Variants in CTIF observed in about 807,000 individuals in gnomAD.
CTIF encodes cap binding complex dependent translation initiation factor.
In CTIF, 21 loss-of-function variants were observed where a neutral mutation model predicts 66.0. The ratio of observed to expected loss-of-function variants is 0.32; its 90% CI spans 0.23 to 0.46. CTIF has a LOEUF of 0.46. Among genes scored for constraint, CTIF ranks in the 20% least tolerant of loss-of-function variants. The pLI, the probability that CTIF is intolerant of heterozygous loss-of-function variation, is 1.00. For synonymous variants in CTIF, 345 were observed against 326.4 expected, an observed-to-expected ratio of 1.06 and a Z score of -0.62; for missense variants, 739 against 812.7, an observed-to-expected ratio of 0.91 and a Z score of 1.10.
At chr18:48,747,411 G>A (rs1192018296) in intron 7 of CTIF, among the ~76,000 whole-genome samples, 3 of 152,184 alleles carry the variant, frequency 2.0e-5, no homozygotes, top group Non-Finnish European at 1.5e-5. Context: ...AAGTAGAGAG[G>A]TACGCTGGGC....
At chr18:48,679,665 C>G (rs189416064) in intron 6 of CTIF, among the ~76,000 whole-genome samples, 70 of 152,332 alleles carry the variant, frequency 4.6e-4, no homozygotes, top group Non-Finnish European at 9.1e-4. Context: ...TCTTCCCCCT[C>G]TTTCATGGCC....
intron 6 of CTIF, among the ~76,000 whole-genome samples, chr18:48,696,875 G>A (rs1802244341): frequency 6.6e-6 from 1 of 152,216 alleles, no homozygotes; most frequent in African/African-American, 2.4e-5. Flanking sequence ...CATCTGTGGT[G>A]TGTTGTCACC....
At chr18:48,778,426 AC>A (rs148519009) in intron 9 of CTIF, among the ~76,000 whole-genome samples, 2 of 152,328 alleles carry the variant, frequency 1.3e-5, no homozygotes, top group Non-Finnish European at 2.9e-5. Flanking sequence ...CAGAAAATGC[AC>A]CGGGGAAAGC....
chr18:48,602,542 T>C (rs368252277), intron 1 of CTIF, among the ~76,000 whole-genome samples: 20 of 152,364 alleles, frequency 1.3e-4, no homozygotes, highest in African/African-American at 4.8e-4. Flanking sequence ...TTGATGACTT[T>C]GCTTTCTAAG....
At chr18:48,694,836 A>C (rs927037388) in intron 6 of CTIF, among the ~76,000 whole-genome samples, 10 of 152,250 alleles carry the variant, frequency 6.6e-5, no homozygotes, top group African/African-American at 2.2e-4. Flanking sequence ...AATTTACTAA[A>C]GATATTTGGA....
intron 6 of CTIF, among the ~76,000 whole-genome samples, chr18:48,676,284 C>T (rs552999311): frequency 6.6e-6 from 1 of 152,318 alleles, no homozygotes; most frequent in African/African-American, 2.4e-5. Context: ...CATTGAAAGA[C>T]GTTGTTTGTT....
chr18:48,761,653 G>T lies in CTIF; in HGVS notation c.1335G>T (p.Gly445=). The change falls in exon 9 of 12, where the codon GGG becomes GGT. Residue 445 remains glycine (G), a synonymous_variant. Coordinates refer to ENST00000256413, the MANE Select transcript of CTIF (RefSeq NM_014772.3). This position sits in a 1 kb window ranked among gnomAD's most constrained non-coding sequence, Gnocchi z 4.2. ...CDKMALFMVE[G]TKFRSLLLNM... is the part of the protein sequence containing the mutation. Reference sequence around the variant, plus strand: ...AGATGGCGCTCTTTATGGTGGAGGGGACCAAGTTCCGGAGCCTGCTCCTCA... The same window carrying T: ...AGATGGCGCTCTTTATGGTGGAGGGTACCAAGTTCCGGAGCCTGCTCCTCA... 1 of 1,612,992 alleles carries T rather than the reference G, an allele frequency of 6.2e-7. No individual in the cohort carries two copies. Among genetic ancestry groups the T allele is most frequent in the East Asian group, 2.2e-5 (1 of 44,860 alleles).
At chr18:48,798,394 C>G (rs1030235969) in intron 9 of CTIF, among the ~76,000 whole-genome samples, 3 of 152,200 alleles carry the variant, frequency 2.0e-5, no homozygotes, top group African/African-American at 7.2e-5. Flanking sequence ...GGGTTCATCA[C>G]ACATAAGGGC....
At chr18:48,726,005 C>A (rs1476495630) in intron 7 of CTIF, among the ~76,000 whole-genome samples, 5 of 152,150 alleles carry the variant, frequency 3.3e-5, no homozygotes, top group Non-Finnish European at 2.9e-5. Context: ...TATGTAGCCT[C>A]AAGACATCCC....
chr18:48,671,106 C>T (rs1383113428), intron 6 of CTIF, among the ~76,000 whole-genome samples: 1 of 152,154 alleles, frequency 6.6e-6, no homozygotes, highest in Middle Eastern at 3.2e-3. Context: ...GACTGGCAGG[C>T]CTGGAAGAGA....
At chr18:48,756,931 G>A (rs887724828) in intron 7 of CTIF, among the ~76,000 whole-genome samples, 26 of 152,196 alleles carry the variant, frequency 1.7e-4, no homozygotes, top group African/African-American at 4.6e-4. Context: ...CTAGGTTGCT[G>A]TAACAGAGTA....
chr18:48,737,250 G>A (rs1008177363), intron 7 of CTIF, among the ~76,000 whole-genome samples: 3 of 152,174 alleles, frequency 2.0e-5, no homozygotes, highest in Non-Finnish European at 4.4e-5. Flanking sequence ...TTTGCAGCAA[G>A]AGCTGGGCTC....
chr18:48,862,220 G>C lies in CTIF; in HGVS notation c.*2661G>C, dbSNP rs183501243. The C allele has an allele frequency of 1.3e-5, 2 of 152,284 alleles. No individual in the cohort carries two copies. Among genetic ancestry groups the C allele is most frequent in the Admixed American group, 1.3e-4 (2 of 15,296 alleles). The allele number at this position is 152,284 out of a possible 1,614,324, so 9.4% of individuals were successfully genotyped here. A position where few individuals can be genotyped will look rare whatever the true frequency, so the allele number is the denominator to read the frequency against. ...CTGTGGCATGAGGAAGGCCGCGTCC[G>C]AGTTGACCTCTGAATGTATGTGATG... On this transcript the variant is annotated 3_prime_UTR_variant, in exon 12 of 12. Transcript: ENST00000256413.
chr18:48,686,849 C>G (rs1289462480), intron 6 of CTIF, among the ~76,000 whole-genome samples: 2 of 152,212 alleles, frequency 1.3e-5, no homozygotes, highest in Non-Finnish European at 2.9e-5. Context: ...CTGCACATAA[C>G]TTAGGTTGCA....
chr18:48,700,665 C>T (rs1453074917), intron 6 of CTIF, among the ~76,000 whole-genome samples: 4 of 152,324 alleles, frequency 2.6e-5, no homozygotes, highest in Middle Eastern at 3.4e-3. Context: ...AAGCGTGGGC[C>T]GTGCCTCTCT....
chr18:48,857,162 A>G (rs1416356640), intron 10 of CTIF, among the ~76,000 whole-genome samples: 1 of 152,224 alleles, frequency 6.6e-6, no homozygotes, highest in East Asian at 1.9e-4. Context: ...GCCTGAGTCA[A>G]TGGCTGAACC....
intron 1 of CTIF, among the ~76,000 whole-genome samples, chr18:48,548,705 C>T (rs2088813920): frequency 6.6e-6 from 1 of 152,238 alleles, no homozygotes; most frequent in Non-Finnish European, 1.5e-5. Flanking sequence ...CTCCTCTTCT[C>T]CCTCTAAAAA....
intron 9 of CTIF, among the ~76,000 whole-genome samples, chr18:48,793,718 C>G (rs1016770820): frequency 4.6e-5 from 7 of 152,154 alleles, no homozygotes; most frequent in African/African-American, 1.7e-4. Context: ...AAATTGCTCC[C>G]AAATACTTCT....
chr18:48,790,517 C>T (rs1048618635), intron 9 of CTIF, among the ~76,000 whole-genome samples: 3 of 152,230 alleles, frequency 2.0e-5, no homozygotes, highest in South Asian at 4.1e-4. Flanking sequence ...GGGCCCAGCT[C>T]AGCAGCCCCC....
Sources: gnomAD v4.1 joint callset for allele counts (sites outside exome capture counted in the v4.1 genomes callset) on GRCh38, gnomAD v4.1.1 for gene constraint, Gnocchi (gnomAD v3.1) non-coding constraint, MANE v1.5 for transcripts, NCBI Gene and HGNC (gene_info 2026-07-23, HGNC 2026-07-21) for gene names.